Variants in CTNND2 observed in about 807,000 individuals in gnomAD.
The protein encoded by CTNND2 is catenin delta 2.
A neutral mutation model predicts 144.4 loss-of-function variants in CTNND2; 22 were observed. The observed-to-expected ratio is 0.15, with a 90% CI of 0.11 to 0.22. CTNND2 has a LOEUF of 0.22. CTNND2 is among the 10% of genes least tolerant of loss of function. CTNND2 has a pLI of 1.00. For synonymous variants in CTNND2, 751 were observed against 695.6 expected, an observed-to-expected ratio of 1.08 and a Z score of -1.25; for missense variants, 1,353 against 1,618.8, an observed-to-expected ratio of 0.84 and a Z score of 2.82.
In CTNND2 at chr5:11,061,134, T is replaced by G. The variant is rs148077290; in HGVS notation, c.2788+21562A>C. On this transcript the variant is annotated intron_variant, in intron 16 of 21. Coordinates refer to ENST00000304623, the MANE Select transcript of CTNND2 (RefSeq NM_001332.4). ...TACCATCCCCTCCCCTCCTCTGTCT[T>G]TTTTTGCCACTTACGGCATTTTGTA... 6.6e-3 allele frequency among the ~76,000 whole-genome samples: 998 copies of G among 152,288 alleles called. 2 individuals carry two copies. The highest frequency in any genetic ancestry group is 0.01 in the Non-Finnish European group (682 of 68,028).
intron 3 of CTNND2, among the ~76,000 whole-genome samples, chr5:11,547,246 C>A (rs749080388): frequency 6.9e-6 from 1 of 145,728 alleles, no homozygotes; most frequent in Admixed American, 6.8e-5. Flanking sequence ...CTGGCCTGGG[C>A]GACAGTGTGA....
intron 16 of CTNND2, among the ~76,000 whole-genome samples, chr5:11,068,330 A>T (rs1424438971): frequency 6.6e-6 from 1 of 152,216 alleles, no homozygotes; most frequent in African/African-American, 2.4e-5. Flanking sequence ...TCCACCGTGC[A>T]TCCAACTTTA....
At chr5:11,882,092 G>C (rs1191080112) in intron 1 of CTNND2, among the ~76,000 whole-genome samples, 2 of 151,854 alleles carry the variant, frequency 1.3e-5, no homozygotes, top group Non-Finnish European at 2.9e-5. Context: ...CTGCTGTTGA[G>C]ATTCTTATAT....
intron 14 of CTNND2, among the ~76,000 whole-genome samples, chr5:11,109,545 T>A (rs548094665): frequency 5.3e-5 from 8 of 152,344 alleles, no homozygotes; most frequent in Admixed American, 3.9e-4. Flanking sequence ...CCAATTATTA[T>A]TTGTATCACT....
At chr5:11,084,060 C>T (rs879365089) in intron 15 of CTNND2, 20 of 609,468 alleles carry the variant, frequency 3.3e-5, no homozygotes, top group Admixed American at 6.2e-5. Flanking sequence ...ATGCTTTTGT[C>T]TCACCTCTAC....
chr5:11,310,696 C>T (rs1364293388), intron 9 of CTNND2, among the ~76,000 whole-genome samples: 1 of 151,770 alleles, frequency 6.6e-6, no homozygotes, highest in Non-Finnish European at 1.5e-5. Context: ...TCAGTAGATG[C>T]CTCTCTCATG....
In CTNND2 at chr5:11,374,802, T is replaced by G. The variant is rs905298947; in HGVS notation, c.1177+9863A>C. ...TTTTTTTTTTTTTTTTTTTTTTTTTTTTGTTACATCAAGATGCAAAGCAGA... is the reference window on the plus strand; with the variant it reads ...TTTTTTTTTTTTTTTTTTTTTTTTTGTTGTTACATCAAGATGCAAAGCAGA... On this transcript the variant is annotated intron_variant, in intron 7 of 21. Coordinates refer to ENST00000304623, the MANE Select transcript of CTNND2 (RefSeq NM_001332.4). 2.4e-3 allele frequency among the ~76,000 whole-genome samples: 281 copies of G among 114,806 alleles called. 3 individuals are homozygous for G. The highest frequency in any genetic ancestry group is 4.5e-3 in the African/African-American group (117 of 26,000). 75.3% of individuals were successfully genotyped at this position (114,806 alleles called of 152,430 possible).
chr5:11,374,829 C>T lies in CTNND2; in HGVS notation c.1177+9836G>A, dbSNP rs1294587968. Among the ~76,000 whole-genome samples the T allele has an allele frequency of 2.2e-5, 3 of 138,734 alleles. No homozygotes were observed. In the East Asian group the frequency reaches 6.7e-4, roughly 31 times the overall value. The allele number at this position is 138,734 out of a possible 152,430, so 91.0% of individuals were successfully genotyped here. On this transcript the variant is annotated intron_variant, in intron 7 of 21. Coordinates refer to ENST00000304623, the MANE Select transcript of CTNND2 (RefSeq NM_001332.4). ...TGTTACATCAAGATGCAAAGCAGAC[C>T]TGTGGGCTGAAGCTTCAGAGAGCCC...
chr5:10,983,251 C>T (rs187277922), intron 20 of CTNND2, among the ~76,000 whole-genome samples: 6 of 152,264 alleles, frequency 3.9e-5, no homozygotes, highest in African/African-American at 1.2e-4. Context: ...ATCAAAAAAT[C>T]ACATGGACCC....
intron 2 of CTNND2, among the ~76,000 whole-genome samples, chr5:11,655,683 C>T (rs1183515780): frequency 1.3e-5 from 2 of 148,544 alleles, no homozygotes; most frequent in Admixed American, 6.7e-5. Flanking sequence ...AAAAGCTTTG[C>T]TTATATTGAT....
intron 8 of CTNND2, among the ~76,000 whole-genome samples, chr5:11,363,545 C>T (rs980313696): frequency 1.4e-4 from 21 of 152,270 alleles, no homozygotes; most frequent in South Asian, 2.1e-4. Flanking sequence ...AATAGGCATT[C>T]TTTATCATCA....
intron 2 of CTNND2, among the ~76,000 whole-genome samples, chr5:11,583,210 C>T (rs1352908974): frequency 6.6e-6 from 1 of 152,190 alleles, no homozygotes; most frequent in Non-Finnish European, 1.5e-5. Flanking sequence ...AATTCTGACA[C>T]CAGTAATTCA....
intron 20 of CTNND2, among the ~76,000 whole-genome samples, chr5:10,984,473 G>A (rs1421901905): frequency 6.6e-6 from 1 of 151,896 alleles, no homozygotes; most frequent in East Asian, 1.9e-4. Context: ...CCTCCCTGTT[G>A]TGAAATCATA....
chr5:11,776,867 A>C (rs1401926142), intron 1 of CTNND2, among the ~76,000 whole-genome samples: 1 of 152,216 alleles, frequency 6.6e-6, no homozygotes, highest in Non-Finnish European at 1.5e-5. Context: ...TTAATAAGTG[A>C]AAAATTTTAT....
intron 9 of CTNND2, among the ~76,000 whole-genome samples, chr5:11,330,103 C>T (rs181597670): frequency 5.9e-5 from 9 of 151,960 alleles, no homozygotes; most frequent in Non-Finnish European, 1.2e-4. Flanking sequence ...TCCTGTTGTA[C>T]GTTGCCTGTG....
chr5:11,470,954 GTATATATATATATATA>G (rs71595821), intron 3 of CTNND2, among the ~76,000 whole-genome samples: 2 of 63,244 alleles, frequency 3.2e-5, no homozygotes, highest in African/African-American at 5.5e-5. Context: ...TTGATACAAA[GTATATATATATATATA>G]TATATATATA....
chr5:11,611,766 C>T (rs895553317), intron 2 of CTNND2, among the ~76,000 whole-genome samples: 17 of 152,134 alleles, frequency 1.1e-4, no homozygotes, highest in Non-Finnish European at 1.9e-4. Context: ...CAACAGAGTG[C>T]AGACTGGACT....
In CTNND2 at chr5:11,346,558, G is replaced by A; in HGVS notation, c.1442C>T (p.Ala481Val). ...GGCCCTCTGGAAGGTGGCCGCGGCG[G>A]CATTCTGTGGGCCGTGCTGGCTGCC... The part of the protein sequence containing the change: ...RTGSQHGPQN[A>V]AAATFQRASY... Residue 481 changes from alanine (A) to valine (V), a missense_variant, in exon 9 of 22, where the codon GCC becomes GTC. Ala to Val is a moderately conservative substitution (Grantham distance 64). This residue lies in a region of CTNND2 where 708 missense variants were observed against 706.4 expected (regional missense o/e 1.00). Transcript: ENST00000304623. 1 of 1,602,702 alleles carries A rather than the reference G, an allele frequency of 6.2e-7. No homozygotes were observed. The highest frequency in any genetic ancestry group is 8.5e-7 in the Non-Finnish European group (1 of 1,174,788).
chr5:11,324,741 G>A (rs939806399), intron 9 of CTNND2, among the ~76,000 whole-genome samples: 4 of 152,208 alleles, frequency 2.6e-5, no homozygotes, highest in Non-Finnish European at 5.9e-5. Context: ...GCCATTGAAC[G>A]TGGAGAGGGT....
Sources: gnomAD v4.1 joint callset for allele counts (sites outside exome capture counted in the v4.1 genomes callset) on GRCh38, gnomAD v4.1.1 for gene constraint, gnomAD v4.1.1 regional missense constraint, MANE v1.5 for transcripts, NCBI Gene and HGNC (gene_info 2026-07-23, HGNC 2026-07-21) for gene names.